SYN3: variants seen among roughly 807,000 people sequenced by gnomAD.
The protein encoded by SYN3 is synapsin III, also known as synapsin-3.
Under a neutral mutation model 65.8 loss-of-function variants are expected in SYN3, and 35 were observed. The ratio of observed to expected loss-of-function variants is 0.53; its 90% confidence interval spans 0.41 to 0.70. SYN3 has a LOEUF of 0.70. SYN3 is among the 30% of genes least tolerant of loss of function. The probability of loss-of-function intolerance (pLI) is 0.00; values close to 1 mark genes in which losing one functional copy is unlikely to be tolerated. For missense variants in SYN3, 680 were observed against 749.0 expected (o/e 0.91, Z 1.08); for synonymous variants, 270 against 292.9 (o/e 0.92, Z 0.80).
chr22:32,896,244 C>CAGCAGTTCGAGAGCAGTTCGAG (rs146844018), intron 4 of SYN3, among the ~76,000 whole-genome samples: 1 of 152,036 alleles, frequency 6.6e-6, no homozygotes, highest in East Asian at 1.9e-4. Context: ...CACATGAGGT[C>CAGCAGTTCGAGAGCAGTTCGAG]AGCAGTTCGA....
intron 4 of SYN3, among the ~76,000 whole-genome samples, chr22:32,889,059 C>T (rs1381712231): frequency 2.6e-5 from 4 of 152,158 alleles, no homozygotes; most frequent in African/African-American, 9.7e-5. Flanking sequence ...CAAAGGGTGC[C>T]AAACACCTCT....
intron 6 of SYN3, among the ~76,000 whole-genome samples, chr22:32,738,437 T>A (rs530401790): frequency 6.6e-6 from 1 of 152,322 alleles, no homozygotes; most frequent in Admixed American, 6.5e-5. Context: ...TCCTTCCCTC[T>A]CCCCACTGGC....
At chr22:32,624,647 G>A (rs2059640446) in intron 6 of SYN3, among the ~76,000 whole-genome samples, 2 of 152,196 alleles carry the variant, frequency 1.3e-5, no homozygotes, top group African/African-American at 2.4e-5. Context: ...GTGGAGCTGT[G>A]AGAACTTGGG....
At chr22:32,994,773 A>G (rs1333389205) in intron 2 of SYN3, among the ~76,000 whole-genome samples, 1 of 152,154 alleles carries the variant, frequency 6.6e-6, no homozygotes, top group Non-Finnish European at 1.5e-5. Context: ...CAGCACATCC[A>G]GCTGAGCTGA....
rs767499345 is a variant in SYN3, at chr22:32,931,446, C to T, written c.405G>A (p.Val135=). ...EFSELNLAAY[V]TGGCMVDMQV... ...GCATGTCCACCATGCAGCCCCCGGT[C>T]ACATAGGCAGCTAGGTTCAACTCTG... The change falls in exon 4 of 14, where the codon GTG becomes GTA. Residue 135 remains valine (V), a synonymous_variant. Transcript: ENST00000358763. 4 of 1,614,024 alleles carry T rather than the reference C, an allele frequency of 2.5e-6. No homozygotes were observed. Among genetic ancestry groups the T allele is most frequent in the Admixed American group, 1.7e-5 (1 of 60,014 alleles).
At chr22:32,640,682 T>C (rs978673529) in intron 6 of SYN3, among the ~76,000 whole-genome samples, 2 of 151,932 alleles carry the variant, frequency 1.3e-5, no homozygotes, top group Non-Finnish European at 2.9e-5. Flanking sequence ...CTGGCTGACA[T>C]GGTGAAACCC....
intron 6 of SYN3, among the ~76,000 whole-genome samples, chr22:32,751,400 G>A (rs1372152187): frequency 6.6e-6 from 1 of 152,202 alleles, no homozygotes; most frequent in East Asian, 1.9e-4. Flanking sequence ...TTAAAGAAGA[G>A]GGGTGGGGTA....
intron 2 of SYN3, among the ~76,000 whole-genome samples, chr22:33,003,009 C>T (rs538287729): frequency 2.0e-4 from 30 of 152,322 alleles, no homozygotes; most frequent in Middle Eastern, 3.4e-3. Flanking sequence ...TTATAATGTG[C>T]TTCCCCCTTC....
chr22:32,846,235 T>C (rs960160415), intron 6 of SYN3, among the ~76,000 whole-genome samples: 1 of 152,216 alleles, frequency 6.6e-6, no homozygotes, highest in African/African-American at 2.4e-5. Flanking sequence ...GTACATGTGA[T>C]AGAGTAGGCA....
intron 7 of SYN3, chr22:32,584,036 TC>T (rs2146510112): frequency 6.6e-6 from 1 of 152,314 alleles, no homozygotes; most frequent in Non-Finnish European, 1.5e-5. Flanking sequence ...CATTTCCCTG[TC>T]CCATGACTTT....
At chr22:32,699,499 C>T (rs934036742) in intron 6 of SYN3, among the ~76,000 whole-genome samples, 9 of 151,970 alleles carry the variant, frequency 5.9e-5, no homozygotes, top group African/African-American at 2.2e-4. Context: ...GGTGGAGAAA[C>T]AGTTTTGATG....
Position 32,574,133 on chromosome 22 carries a change from T to G in SYN3, c.774+22541A>C, listed in dbSNP as rs548251910. Among the ~76,000 whole-genome samples, 6 of 151,698 alleles carry G rather than the reference T, an allele frequency of 4.0e-5. No individual in the cohort carries two copies. In the South Asian group the frequency reaches 1.3e-3, roughly 32 times the overall value. Reference sequence around the variant, plus strand: ...CATCTCCCTCTCAGGGCCCTTTCCTTGATGAGGAAAGAAGTGAAAGTGTCC... The same window carrying G: ...CATCTCCCTCTCAGGGCCCTTTCCTGGATGAGGAAAGAAGTGAAAGTGTCC... On this transcript the variant is annotated intron_variant, in intron 7 of 13. Transcript: ENST00000358763.
At chr22:32,926,916 T>C (rs1569332434) in intron 4 of SYN3, among the ~76,000 whole-genome samples, 1 of 152,108 alleles carries the variant, frequency 6.6e-6, no homozygotes, top group Admixed American at 6.5e-5. Flanking sequence ...CTCTCTGGGG[T>C]TCCACTACTA....
intron 10 of SYN3, chr22:32,530,136 A>AT (rs2058045331): frequency 6.6e-6 from 1 of 152,298 alleles, no homozygotes; most frequent in African/African-American, 2.4e-5. Flanking sequence ...CAAGGTTAGG[A>AT]ATGGGCCCCG....
chr22:32,931,584 G>T, intron 3 of SYN3, 103 bp from the exon 4 acceptor site: 1 of 752,548 alleles, frequency 1.3e-6, no homozygotes, highest in Non-Finnish European at 2.3e-6. Context: ...CACCTTTAAA[G>T]CTCCCCTCAA....
At chr22:32,869,167 T>A (rs369361793) in intron 4 of SYN3, 42 bp from the exon 5 acceptor site, 1 of 1,593,538 alleles carries the variant, frequency 6.3e-7, no homozygotes, top group Non-Finnish European at 8.6e-7. Flanking sequence ...GGGACATTGA[T>A]GAAACACCAG....
intron 6 of SYN3, among the ~76,000 whole-genome samples, chr22:32,744,963 C>T (rs76725969): frequency 2.0e-5 from 3 of 152,144 alleles, no homozygotes; most frequent in East Asian, 1.9e-4. Context: ...GCAATGTTTA[C>T]GGGGCACCCA....
At chr22:32,629,266 G>C (rs1433874502) in intron 6 of SYN3, among the ~76,000 whole-genome samples, 3 of 152,228 alleles carry the variant, frequency 2.0e-5, no homozygotes, top group African/African-American at 2.4e-5. Flanking sequence ...CTAGGAGATT[G>C]TGAAATGAAT....
chr22:32,576,107 G>A (rs2146458121), intron 7 of SYN3, among the ~76,000 whole-genome samples: 1 of 152,248 alleles, frequency 6.6e-6, no homozygotes, highest in East Asian at 1.9e-4. Context: ...TGAAGCAATG[G>A]CCTGAGTATG....
Sources: gnomAD v4.1 joint callset for allele counts (sites outside exome capture counted in the v4.1 genomes callset) on GRCh38, gnomAD v4.1.1 for gene constraint, MANE v1.5 for transcripts, NCBI Gene and HGNC (gene_info 2026-07-23, HGNC 2026-07-21) for gene names.